Variants in PLSCR2 observed in about 807,000 individuals in gnomAD.
The protein encoded by PLSCR2 is phospholipid scramblase 2.
PLSCR2 carries 18 observed loss-of-function variants against 25.3 expected under a neutral mutation model. The ratio of observed to expected loss-of-function variants is 0.71; its 90% CI spans 0.49 to 1.06. The LOEUF is 1.06. Among genes scored for constraint, PLSCR2 ranks in the 50% least tolerant of loss-of-function variants. PLSCR2 has a pLI of 0.00. For synonymous variants in PLSCR2, 88 were observed against 87.3 expected (o/e 1.01, Z -0.04); for missense variants, 243 against 269.5 (o/e 0.90, Z 0.69).
intron 1 of PLSCR2, among the ~76,000 whole-genome samples, chr3:146,474,450 T>C (rs1489894579): frequency 6.6e-6 from 1 of 152,170 alleles, no homozygotes; most frequent in African/African-American, 2.4e-5. Flanking sequence ...TTAAGAATGT[T>C]GAATATTGGC....
upstream of PLSCR2, chr3:146,463,781 C>T: frequency 2.9e-6 from 2 of 692,712 alleles, no homozygotes; most frequent in Non-Finnish European, 3.6e-6. Context: ...TCAACTGATC[C>T]CTCCACATCC....
downstream of PLSCR2, among the ~76,000 whole-genome samples, chr3:146,430,487 CTTAA>C (rs2039508187): frequency 6.6e-6 from 1 of 152,128 alleles, no homozygotes; most frequent in South Asian, 2.1e-4. Flanking sequence ...ATCAGTAGCA[CTTAA>C]TTGTGCCCAG....
At chr3:146,461,312 G>A (rs1233691548), upstream of PLSCR2, among the ~76,000 whole-genome samples, 1 of 152,086 alleles carries the variant, frequency 6.6e-6, no homozygotes, top group Non-Finnish European at 1.5e-5. Flanking sequence ...AAAAATAAGG[G>A]TTAGCAAACA....
At chr3:146,421,255 C>G (rs1438991542) in intron 2 of PLSCR2, among the ~76,000 whole-genome samples, 1 of 151,966 alleles carries the variant, frequency 6.6e-6, no homozygotes, top group Middle Eastern at 3.2e-3. Context: ...CTGCCTCCTA[C>G]TTTGTATACT....
chr3:146,403,143 A>AACAC (rs77006503), intron 2 of PLSCR2, among the ~76,000 whole-genome samples: 7,839 of 150,278 alleles, frequency 0.052, 220 homozygotes, highest in Admixed American at 0.092. Context: ...ACATATTGTA[A>AACAC]ACACACACAC....
chr3:146,429,088 A>T (rs2039455601), downstream of PLSCR2, among the ~76,000 whole-genome samples: 1 of 152,182 alleles, frequency 6.6e-6, no homozygotes, highest in South Asian at 2.1e-4. Flanking sequence ...AGAATACCTG[A>T]GGCCGAGTAA....
At chr3:146,482,650 T>G (rs1386317530) in intron 1 of PLSCR2, among the ~76,000 whole-genome samples, 1 of 152,178 alleles carries the variant, frequency 6.6e-6, no homozygotes, top group Non-Finnish European at 1.5e-5. Context: ...AGTTCAAACA[T>G]TGTGGAAAAC....
intron 1 of PLSCR2, among the ~76,000 whole-genome samples, chr3:146,492,438 T>C (rs548000767): frequency 6.6e-6 from 1 of 152,178 alleles, no homozygotes; most frequent in East Asian, 1.9e-4. Flanking sequence ...AAAAAAATCA[T>C]ACTCATCACA....
intron 1 of PLSCR2, among the ~76,000 whole-genome samples, chr3:146,473,960 A>G (rs1427601040): frequency 6.6e-6 from 1 of 152,218 alleles, no homozygotes; most frequent in Non-Finnish European, 1.5e-5. Context: ...AACCCAAAGA[A>G]CAAATATTGG....
At chr3:146,426,275 T>TCCC (rs2039348609) in intron 2 of PLSCR2, among the ~76,000 whole-genome samples, 1 of 119,788 alleles carries the variant, frequency 8.3e-6, no homozygotes, top group Admixed American at 8.9e-5. Flanking sequence ...CCTTCCTTCT[T>TCCC]TTCTTCCTTC....
At chr3:146,439,948 G>A (rs1472937272), downstream of PLSCR2, among the ~76,000 whole-genome samples, 3 of 152,136 alleles carry the variant, frequency 2.0e-5, no homozygotes, top group Non-Finnish European at 4.4e-5. Flanking sequence ...TACAGATGGG[G>A]TTTTGGTGTG....
exon 5 of PLSCR2, chr3:146,454,083 A>T: frequency 1.2e-6 from 2 of 1,610,918 alleles, no homozygotes; most frequent in Admixed American, 1.7e-5. Context: ...TCTGATTTTT[A>T]ATTGTAAACT....
upstream of PLSCR2, chr3:146,461,958 T>TAA (rs147297614): frequency 5.5e-5 from 65 of 1,172,160 alleles, no homozygotes; most frequent in African/African-American, 1.5e-4. Flanking sequence ...TTTCATAAGC[T>TAA]AAAAAAAAAA....
intron 2 of PLSCR2, among the ~76,000 whole-genome samples, chr3:146,422,155 T>C (rs1404968120): frequency 6.6e-6 from 1 of 152,114 alleles, no homozygotes; most frequent in Non-Finnish European, 1.5e-5. Context: ...GGAGTTTCTC[T>C]GAGAGAACTT....
intron 3 of PLSCR2, among the ~76,000 whole-genome samples, chr3:146,455,903 T>C (rs1278183060): frequency 1.3e-5 from 2 of 152,218 alleles, no homozygotes; most frequent in Non-Finnish European, 2.9e-5. Context: ...TTGTAAGTCA[T>C]ACTTATGTCT....
chr3:146,472,135 T>C lies in PLSCR2; in HGVS notation c.-292-11851A>G, dbSNP rs373010274. On this transcript the variant is annotated intron_variant, in intron 1 of 8. Transcript: ENST00000336685. ...TTGTAGTGCAAGCACATGCTGTGTA[T>C]GGTTACAGTCATTTGAAATTTTTAA... 3.2e-4 allele frequency among the ~76,000 whole-genome samples: 49 copies of C among 152,360 alleles called. 1 individual carries two copies. In the East Asian group the frequency reaches 3.3e-3, roughly 10 times the overall value.
intron 1 of PLSCR2, among the ~76,000 whole-genome samples, chr3:146,493,629 C>A (rs146486767): frequency 1.9e-3 from 295 of 152,072 alleles, no homozygotes; most frequent in African/African-American, 6.8e-3. Context: ...AAAGAATATA[C>A]CTCAAAATAA....
downstream of PLSCR2, among the ~76,000 whole-genome samples, chr3:146,429,187 G>C (rs2039458883): frequency 6.6e-6 from 1 of 152,192 alleles, no homozygotes; most frequent in African/African-American, 2.4e-5. Context: ...TGAGGCCTCA[G>C]GAAGTTTACA....
At chr3:146,400,693 A>G (rs2038439542) in intron 2 of PLSCR2, among the ~76,000 whole-genome samples, 1 of 151,680 alleles carries the variant, frequency 6.6e-6, no homozygotes, top group African/African-American at 2.4e-5. Context: ...AAGCAAAACA[A>G]AATAAGAAGG....
Sources: allele counts gnomAD v4.1 joint callset (sites outside exome capture counted in the v4.1 genomes callset), GRCh38; gene constraint gnomAD v4.1.1; transcripts MANE v1.5; gene names NCBI Gene and HGNC (gene_info 2026-07-23, HGNC 2026-07-21).